ADARB2: variants seen among roughly 807,000 people sequenced by gnomAD.
ADARB2 encodes the protein inactive double-stranded RNA-specific editase B2.
ADARB2 carries 25 observed loss-of-function variants against 62.2 expected under a neutral mutation model. The ratio of observed to expected loss-of-function variants is 0.40; its 90% CI spans 0.29 to 0.56. ADARB2 has a LOEUF of 0.56. ADARB2 is among the 20% of genes least tolerant of loss of function. The pLI is 0.43. For synonymous variants in ADARB2, 572 were observed against 500.8 expected, an observed-to-expected ratio of 1.14 and a Z score of -1.90; for missense variants, 1,071 against 1,077.4, an observed-to-expected ratio of 0.99 and a Z score of 0.08.
intron 1 of ADARB2, among the ~76,000 whole-genome samples, chr10:1,655,781 T>G (rs771131868): frequency 1.3e-5 from 2 of 152,258 alleles, no homozygotes; most frequent in Non-Finnish European, 2.9e-5. Context: ...GTGTCAGTAC[T>G]GGAACAAGCG....
At chr10:1,674,347 G>A (rs550061486) in intron 1 of ADARB2, among the ~76,000 whole-genome samples, 114 of 152,338 alleles carry the variant, frequency 7.5e-4, no homozygotes, top group African/African-American at 2.3e-3. Flanking sequence ...GAATGGCTGC[G>A]TATGTTGGCA....
intron 1 of ADARB2, among the ~76,000 whole-genome samples, chr10:1,736,559 T>C (rs1386178570): frequency 6.6e-6 from 1 of 152,226 alleles, no homozygotes; most frequent in Admixed American, 6.5e-5. Flanking sequence ...GGGCACCACA[T>C]TGAGTAAAAA....
At chr10:1,616,660 G>A (rs796672493) in intron 1 of ADARB2, among the ~76,000 whole-genome samples, 123 of 56,876 alleles carry the variant, frequency 2.2e-3, no homozygotes, top group Middle Eastern at 0.016. Context: ...GACACACTCC[G>A]CACCACCCTG....
At chr10:1,240,733 C>T (rs1458902678) in intron 5 of ADARB2, among the ~76,000 whole-genome samples, 1 of 152,228 alleles carries the variant, frequency 6.6e-6, no homozygotes, top group Non-Finnish European at 1.5e-5. Context: ...GCTGGTGGCA[C>T]AGCACCAAGC....
intron 1 of ADARB2, among the ~76,000 whole-genome samples, chr10:1,717,768 G>T (rs1835040105): frequency 6.6e-6 from 1 of 151,864 alleles, no homozygotes; most frequent in Admixed American, 6.6e-5. Context: ...AGTAGAGATG[G>T]GGTTTCGTCA....
intron 3 of ADARB2, among the ~76,000 whole-genome samples, chr10:1,350,936 C>T (rs939292904): frequency 1.3e-5 from 2 of 152,218 alleles, no homozygotes; most frequent in Non-Finnish European, 2.9e-5. Context: ...CAAACCCCCG[C>T]CATATCTCCA....
At chr10:1,523,267 C>A (rs984404583) in intron 1 of ADARB2, among the ~76,000 whole-genome samples, 1 of 152,062 alleles carries the variant, frequency 6.6e-6, no homozygotes, top group Non-Finnish European at 1.5e-5. Context: ...AGATATGTAA[C>A]GTAGGCAGTG....
chr10:1,406,363 A>G (rs1399384507), intron 1 of ADARB2, among the ~76,000 whole-genome samples: 4 of 152,142 alleles, frequency 2.6e-5, no homozygotes, highest in Non-Finnish European at 1.5e-5. Context: ...CCTGCTTTCC[A>G]TCCAGCTCTA....
At chr10:1,422,859 C>T (rs1372437220) in intron 1 of ADARB2, among the ~76,000 whole-genome samples, 1 of 152,182 alleles carries the variant, frequency 6.6e-6, no homozygotes, top group African/African-American at 2.4e-5. Context: ...CAAACTCCGC[C>T]TGGGGTCTAC....
chr10:1,227,348 C>T (rs146487850), intron 6 of ADARB2, among the ~76,000 whole-genome samples: 1,524 of 152,328 alleles, frequency 0.01, 21 homozygotes, highest in African/African-American at 0.034. Context: ...TGACCCCTTG[C>T]GCTTCCCGGG....
chr10:1,326,680 C>T (rs1589192807), intron 3 of ADARB2, among the ~76,000 whole-genome samples: 1 of 146,760 alleles, frequency 6.8e-6, no homozygotes, highest in South Asian at 2.2e-4. Flanking sequence ...GGGCTCCTTC[C>T]CACAACACAG....
At chr10:1,678,085 T>C in intron 1 of ADARB2, 1 of 908,532 alleles carries the variant, frequency 1.1e-6, no homozygotes, top group Non-Finnish European at 1.3e-6. Flanking sequence ...CCTAGTGGTT[T>C]TAAAGGCCAA....
chr10:1,251,438 T>C (rs898893801), intron 4 of ADARB2, among the ~76,000 whole-genome samples: 3 of 152,020 alleles, frequency 2.0e-5, no homozygotes, highest in African/African-American at 7.3e-5. Flanking sequence ...AAGGGATGAA[T>C]AGATGGAGAA....
chr10:1,490,574 C>T (rs1199564477), intron 1 of ADARB2, among the ~76,000 whole-genome samples: 1 of 152,226 alleles, frequency 6.6e-6, no homozygotes, highest in Non-Finnish European at 1.5e-5. Flanking sequence ...CCTGCCTCAG[C>T]TTCCCCAGTA....
At chr10:1,551,816 A>G (rs1483682305) in intron 1 of ADARB2, among the ~76,000 whole-genome samples, 2 of 152,210 alleles carry the variant, frequency 1.3e-5, no homozygotes, top group African/African-American at 4.8e-5. Context: ...TCTCCGGGAC[A>G]CAATGTACCA....
At chr10:1,472,614 C>A (rs992069339) in intron 1 of ADARB2, among the ~76,000 whole-genome samples, 1 of 152,230 alleles carries the variant, frequency 6.6e-6, no homozygotes, top group African/African-American at 2.4e-5. Context: ...CATGGCCCAG[C>A]AGCCTCCTGG....
At chr10:1,510,058 TCTCA>T (rs1329678815) in intron 1 of ADARB2, among the ~76,000 whole-genome samples, 5 of 150,940 alleles carry the variant, frequency 3.3e-5, no homozygotes, top group South Asian at 2.1e-4. Flanking sequence ...CTTCTCTCTC[TCTCA>T]CTCTTTCTTT....
intron 1 of ADARB2, among the ~76,000 whole-genome samples, chr10:1,636,686 ATATC>A (rs946702678): frequency 2.3e-4 from 34 of 151,074 alleles, no homozygotes; most frequent in South Asian, 4.2e-4. Flanking sequence ...ATGTAGATAG[ATATC>A]TATCTATCTA....
intron 3 of ADARB2, among the ~76,000 whole-genome samples, chr10:1,284,332 C>T (rs7920652): frequency 0.018 from 2,688 of 152,168 alleles, 84 homozygotes; most frequent in African/African-American, 0.061. Flanking sequence ...ACCGAGGGCA[C>T]GTCTCAGTCA....
Sources: gnomAD v4.1 joint callset for allele counts (sites outside exome capture counted in the v4.1 genomes callset) on GRCh38, gnomAD v4.1.1 for gene constraint, MANE v1.5 for transcripts, NCBI Gene and HGNC (gene_info 2026-07-23, HGNC 2026-07-21) for gene names.